DYRK1A: variants seen among roughly 807,000 people sequenced by gnomAD.
The protein encoded by DYRK1A is dual specificity tyrosine phosphorylation regulated kinase 1A.
In DYRK1A, 9 loss-of-function variants were observed where a neutral mutation model predicts 79.7. That is an observed-to-expected ratio of 0.11 (90% confidence interval 0.07 to 0.20). The LOEUF (loss-of-function observed/expected upper bound fraction) is 0.20. DYRK1A is among the 10% of genes least tolerant of loss of function. The pLI, the probability that DYRK1A is intolerant of heterozygous loss-of-function variation, is 1.00. For missense variants in DYRK1A, 622 were observed against 956.0 expected (o/e 0.65, Z 4.61); for synonymous variants, 349 against 329.7 (o/e 1.06, Z -0.63).
intron 2 of DYRK1A, among the ~76,000 whole-genome samples, chr21:37,426,755 A>C (rs1302159053): frequency 5.8e-5 from 2 of 34,554 alleles, no homozygotes; most frequent in African/African-American, 2.0e-4. Context: ...CTAAAAATAC[A>C]AAAAAAAAAA....
chr21:37,428,318 A>G (rs2050683307), intron 2 of DYRK1A, among the ~76,000 whole-genome samples: 2 of 152,150 alleles, frequency 1.3e-5, no homozygotes. Context: ...TGCCTCAAAC[A>G]TAACAGATTC....
intron 2 of DYRK1A, chr21:37,464,361 A>G: frequency 4.5e-6 from 2 of 441,290 alleles, no homozygotes; most frequent in South Asian, 3.4e-5. Flanking sequence ...AAGCTGCTTC[A>G]TTTTTCTTTT....
Position 37,525,660 on chromosome 21 carries a change from G to A in DYRK1A, c.*13129G>A, listed in dbSNP as rs2053963042. The A allele has an allele frequency of 6.6e-6, 1 of 152,196 alleles. No individual in the cohort carries two copies. Among genetic ancestry groups the A allele is most frequent in the Admixed American group, 6.5e-5 (1 of 15,282 alleles). 9.4% of individuals were successfully genotyped at this position (152,196 alleles called of 1,614,324 possible). On this transcript the variant is annotated 3_prime_UTR_variant, in exon 12 of 12. Transcript: ENST00000647188. ...TATTATTTAAGTCAACAGATACTTT[G>A]TGAGAAATATTTGAATCTATCATGC... is the stretch of plus-strand genomic sequence containing the variant.
intron 2 of DYRK1A, among the ~76,000 whole-genome samples, chr21:37,439,093 A>G (rs995678413): frequency 3.9e-5 from 6 of 152,194 alleles, no homozygotes; most frequent in African/African-American, 1.4e-4. Flanking sequence ...TCTGATATAT[A>G]GTTACAGTAC....
At chr21:37,396,635 A>C (rs779118584) in intron 1 of DYRK1A, among the ~76,000 whole-genome samples, 2 of 152,108 alleles carry the variant, frequency 1.3e-5, no homozygotes, top group Non-Finnish European at 2.9e-5. Context: ...GGCATCAACT[A>C]TTCTTACTAC....
At chr21:37,490,665 T>A (rs1016654895) in intron 7 of DYRK1A, among the ~76,000 whole-genome samples, 1 of 151,246 alleles carries the variant, frequency 6.6e-6, no homozygotes, top group Non-Finnish European at 1.5e-5. Context: ...TTAGAGGCAA[T>A]TACAGGATGC....
chr21:37,472,642 G>A, intron 2 of DYRK1A, 42 bp from the exon 3 acceptor site: 1 of 1,442,208 alleles, frequency 6.9e-7, no homozygotes, highest in Non-Finnish European at 9.4e-7. Flanking sequence ...ACAAACATTA[G>A]GATATGAATA....
At chr21:37,454,508 A>AG (rs1338461148) in intron 2 of DYRK1A, among the ~76,000 whole-genome samples, 11 of 152,222 alleles carry the variant, frequency 7.2e-5, no homozygotes, top group Non-Finnish European at 1.6e-4. Flanking sequence ...GAGTCTAAAA[A>AG]GTGAAGCAAT....
chr21:37,492,395 T>C (rs1403157000), intron 7 of DYRK1A, among the ~76,000 whole-genome samples: 1 of 152,180 alleles, frequency 6.6e-6, no homozygotes, highest in East Asian at 1.9e-4. Flanking sequence ...TCATTGAAAA[T>C]AGTCCATTTC....
intron 1 of DYRK1A, 59 bp from the exon 2 acceptor site, chr21:37,420,240 A>G: frequency 3.5e-6 from 2 of 568,990 alleles, no homozygotes; most frequent in South Asian, 3.4e-5. Flanking sequence ...GATATTCCTC[A>G]GTTGGGGTAA....
intron 1 of DYRK1A, among the ~76,000 whole-genome samples, chr21:37,375,672 C>G (rs2049525098): frequency 6.6e-6 from 1 of 151,692 alleles, no homozygotes; most frequent in Non-Finnish European, 1.5e-5. Flanking sequence ...ATTACAGGTG[C>G]CTGTCACATA....
Position 37,480,727 on chromosome 21 carries a change from T to C in DYRK1A, c.390T>C (p.Gly130=). The part of the protein sequence containing the change: ...HKKERKVYND[G]YDDDNYDYIV... The stretch of plus-strand genomic sequence containing the variant: ...AGGAACGGAAGGTTTACAATGATGG[T>C]TATGATGATGATAACTATGATTATA... Residue 130 remains glycine (G), a synonymous_variant, in exon 5 of 12, where the codon GGT becomes GGC. Coordinates refer to ENST00000647188, the MANE Select transcript of DYRK1A (RefSeq NM_001347721.2). The C allele has an allele frequency of 6.2e-7, 1 of 1,612,774 alleles. No individual in the cohort carries two copies.
intron 2 of DYRK1A, among the ~76,000 whole-genome samples, chr21:37,468,467 A>G (rs750177186): frequency 4.7e-4 from 71 of 152,142 alleles, no homozygotes; most frequent in Non-Finnish European, 8.7e-4. Flanking sequence ...TTTTAAAGCT[A>G]TTGTAATTTA....
At chr21:37,402,294 C>G (rs977668606) in intron 1 of DYRK1A, among the ~76,000 whole-genome samples, 1 of 152,180 alleles carries the variant, frequency 6.6e-6, no homozygotes, top group Non-Finnish European at 1.5e-5. Context: ...CTGGCAAGGA[C>G]TTCTCTCACT....
intron 1 of DYRK1A, among the ~76,000 whole-genome samples, chr21:37,404,110 G>A (rs578149317): frequency 6.6e-6 from 1 of 152,114 alleles, no homozygotes; most frequent in Admixed American, 6.5e-5. Flanking sequence ...GTTCTCCAGA[G>A]ACACAGAACC....
At chr21:37,468,994 A>G (rs1201660358) in intron 2 of DYRK1A, among the ~76,000 whole-genome samples, 1 of 152,214 alleles carries the variant, frequency 6.6e-6, no homozygotes, top group Non-Finnish European at 1.5e-5. Context: ...AATTCAGTAG[A>G]AAAAATAGAA....
chr21:37,439,899 T>G (rs2051041034), intron 2 of DYRK1A, among the ~76,000 whole-genome samples: 1 of 152,130 alleles, frequency 6.6e-6, no homozygotes, highest in African/African-American at 2.4e-5. Context: ...TTGTACTGAT[T>G]GATTTCTTAA....
At chr21:37,473,399 A>T (rs997982147) in intron 3 of DYRK1A, among the ~76,000 whole-genome samples, 1 of 152,236 alleles carries the variant, frequency 6.6e-6, no homozygotes, top group Non-Finnish European at 1.5e-5. Context: ...AATGGTGTAA[A>T]TAGAATACAT....
In DYRK1A at chr21:37,507,568, T is replaced by C. The variant is rs530105685; in HGVS notation, c.1644+1345T>C. On this transcript the variant is annotated intron_variant, in intron 11 of 11. Coordinates refer to ENST00000647188, the MANE Select transcript of DYRK1A (RefSeq NM_001347721.2). ...CCAGTGGACACCCTAATGCTGTCTT[T>C]CTGCATTCTACAACTTCATTTGGCA... Among the ~76,000 whole-genome samples, 9 of 152,308 alleles carry C rather than the reference T, an allele frequency of 5.9e-5. No homozygotes were observed. The South Asian group carries it at 1.9e-3, about 32-fold the overall frequency.
Sources: allele counts gnomAD v4.1 joint callset (sites outside exome capture counted in the v4.1 genomes callset), GRCh38; gene constraint gnomAD v4.1.1; transcripts MANE v1.5; gene names NCBI Gene and HGNC (gene_info 2026-07-23, HGNC 2026-07-21).